Variants in LIMA1 observed in about 807,000 individuals in gnomAD.
The protein encoded by LIMA1 is LIM domain and actin-binding protein 1.
In LIMA1, 52 loss-of-function variants were observed where a neutral mutation model predicts 62.6. The observed-to-expected ratio is 0.83, with a 90% confidence interval of 0.67 to 1.05. LIMA1 has a LOEUF of 1.05. Ranked by LOEUF, LIMA1 falls within the 50% of genes least tolerant of loss-of-function variation. The pLI is 0.00. For missense variants in LIMA1, 780 were observed against 902.2 expected, an observed-to-expected ratio of 0.86 and a Z score of 1.74; for synonymous variants, 302 against 317.8, an observed-to-expected ratio of 0.95 and a Z score of 0.53.
chr12:50,278,366 G>C (rs1301154245), intron 1 of LIMA1, among the ~76,000 whole-genome samples: 2 of 152,182 alleles, frequency 1.3e-5, no homozygotes, highest in Admixed American at 6.5e-5. Flanking sequence ...AGCTTGCAGT[G>C]AGCAGAGATC....
chr12:50,243,199 A>C (rs886950766), intron 2 of LIMA1, among the ~76,000 whole-genome samples: 1 of 152,250 alleles, frequency 6.6e-6, no homozygotes, highest in African/African-American at 2.4e-5. Context: ...TCTTCTATAC[A>C]TATAAACACA....
Position 50,222,467 on chromosome 12 carries a change from G to C in LIMA1, c.184C>G (p.Gln62Glu). 1 of 1,613,984 alleles carries C rather than the reference G, an allele frequency of 6.2e-7. No individual in the cohort carries two copies. Among genetic ancestry groups the C allele is most frequent in the South Asian group, 1.1e-5 (1 of 91,074 alleles). The change falls in exon 4 of 11, where the codon CAG becomes GAG. Residue 62 changes from glutamine to glutamate, a missense_variant. Gln to Glu is a conservative substitution (Grantham distance 29). Coordinates refer to ENST00000341247, the MANE Select transcript of LIMA1 (RefSeq NM_016357.5). ...GTCAGGGTCCCCTTTCTAAAGTGCT[G>C]GGAGAGATTTTCGGTGTTCTAGAAG... ...KKRSNTENLS[Q>E]HFRKGTLTVL...
chr12:50,190,534 AT>A (rs11359577), intron 9 of LIMA1, among the ~76,000 whole-genome samples: 51,976 of 123,838 alleles, frequency 0.42, 12,277 homozygotes, highest in African/African-American at 0.71. Flanking sequence ...TGCCCGGCTA[AT>A]TTTTTTTTTT....
chr12:50,255,001 C>T (rs536638394), intron 1 of LIMA1, among the ~76,000 whole-genome samples: 3 of 150,518 alleles, frequency 2.0e-5, no homozygotes, highest in African/African-American at 7.3e-5. Context: ...CCAGCCTGGG[C>T]AACAGCACAA....
chr12:50,198,395 TA>T (rs1431523807), intron 7 of LIMA1, among the ~76,000 whole-genome samples: 1 of 151,850 alleles, frequency 6.6e-6, no homozygotes, highest in East Asian at 1.9e-4. Context: ...AAAATAAAGA[TA>T]AAAATAAATT....
intron 2 of LIMA1, chr12:50,234,078 G>C: frequency 2.2e-6 from 1 of 447,996 alleles, no homozygotes; most frequent in Non-Finnish European, 4.5e-6. Flanking sequence ...TTTATTACTT[G>C]GATTGGAAGA....
At chr12:50,224,896 A>ATTTT (rs773474227) in intron 3 of LIMA1, among the ~76,000 whole-genome samples, 7 of 104,840 alleles carry the variant, frequency 6.7e-5, no homozygotes, top group Admixed American at 9.8e-5. Flanking sequence ...CATGCCTGGC[A>ATTTT]TTTTTTTTTT....
At position 50,181,897 on chromosome 12, in the gene LIMA1, G is replaced by A. The variant is rs993555850; in HGVS notation, c.1274+7C>T. ...ATAGACAGATGGCTTGTTTTGGGCTGACTTACCTGAGTTTGTTGTTGCAAT... is the reference window on the plus strand; with the variant it reads ...ATAGACAGATGGCTTGTTTTGGGCTAACTTACCTGAGTTTGTTGTTGCAAT... On this transcript the variant is annotated splice_region_variant and intron_variant, in intron 10 of 10. Transcript: ENST00000341247. 3 of 1,613,966 alleles carry A rather than the reference G, an allele frequency of 1.9e-6. No homozygotes were observed. Among genetic ancestry groups the A allele is most frequent in the Admixed American group, 3.3e-5 (2 of 59,994 alleles).
intron 1 of LIMA1, among the ~76,000 whole-genome samples, chr12:50,260,607 T>A (rs1942053746): frequency 1.3e-5 from 2 of 152,316 alleles, no homozygotes; most frequent in Admixed American, 1.3e-4. Context: ...GGTATATGAA[T>A]TTTTGCTTCT....
chr12:50,270,072 T>C (rs1382564136), intron 1 of LIMA1, among the ~76,000 whole-genome samples: 2 of 145,804 alleles, frequency 1.4e-5, no homozygotes, highest in Non-Finnish European at 3.0e-5. Context: ...CCGTCTCTAC[T>C]AAAAATACAA....
chr12:50,190,346 A>G (rs895297126), intron 9 of LIMA1: 11 of 150,408 alleles, frequency 7.3e-5, no homozygotes, highest in African/African-American at 2.2e-4. Flanking sequence ...TACCCTTAGT[A>G]TAAGTGTTGC....
rs1329526737 is a variant in LIMA1, at chr12:50,176,062, C to T, written c.*1002G>A. The T allele has an allele frequency of 6.6e-6, 1 of 152,136 alleles. No homozygotes were observed. Among genetic ancestry groups the T allele is most frequent in the African/African-American group, 2.4e-5 (1 of 41,422 alleles). 9.4% of individuals were successfully genotyped at this position (152,136 alleles called of 1,614,324 possible). On this transcript the variant is annotated 3_prime_UTR_variant, in exon 11 of 11. Coordinates refer to ENST00000341247, the MANE Select transcript of LIMA1 (RefSeq NM_016357.5). Reference sequence around the variant, plus strand: ...AAGGCCTATAGTTGGTTTAATTTCACCCTGAGAATACTGTGATAAAAATCA... The same window carrying T: ...AAGGCCTATAGTTGGTTTAATTTCATCCTGAGAATACTGTGATAAAAATCA...
intron 4 of LIMA1, among the ~76,000 whole-genome samples, chr12:50,216,239 A>G (rs1288506797): frequency 2.0e-5 from 3 of 151,342 alleles, no homozygotes; most frequent in Non-Finnish European, 2.9e-5. Flanking sequence ...TTTCGAGAGA[A>G]GTTTTGCTCT....
At chr12:50,240,492 G>A (rs954757856) in intron 2 of LIMA1, among the ~76,000 whole-genome samples, 1 of 152,146 alleles carries the variant, frequency 6.6e-6, no homozygotes, top group African/African-American at 2.4e-5. Flanking sequence ...ATAAAGAAAA[G>A]TGAATAGATT....
chr12:50,237,618 C>T (rs570619298), intron 2 of LIMA1, among the ~76,000 whole-genome samples: 1 of 151,512 alleles, frequency 6.6e-6, no homozygotes, highest in East Asian at 1.9e-4. Context: ...GCCTGGGCAA[C>T]AGAGTGAGAC....
chr12:50,211,311 G>A (rs1217445770), intron 4 of LIMA1, among the ~76,000 whole-genome samples: 3 of 124,502 alleles, frequency 2.4e-5, no homozygotes, highest in African/African-American at 9.3e-5. Context: ...CAACAAGAGC[G>A]AAACTCCGCC....
At chr12:50,282,107 C>CT (rs59366464) in intron 1 of LIMA1, among the ~76,000 whole-genome samples, 7 of 151,982 alleles carry the variant, frequency 4.6e-5, no homozygotes, top group African/African-American at 1.5e-4. Flanking sequence ...TGAACACACA[C>CT]TTTTTTTTGC....
At chr12:50,250,655 T>C (rs763612797) in intron 1 of LIMA1, among the ~76,000 whole-genome samples, 1 of 150,864 alleles carries the variant, frequency 6.6e-6, no homozygotes, top group African/African-American at 2.4e-5. Context: ...CTACATGTAA[T>C]ATTTGTTCTT....
At chr12:50,210,849 C>T (rs1941243562) in intron 4 of LIMA1, among the ~76,000 whole-genome samples, 1 of 152,152 alleles carries the variant, frequency 6.6e-6, no homozygotes, top group Non-Finnish European at 1.5e-5. Context: ...ATGAACAAAG[C>T]CATTTGGTCT....
Sources: allele counts gnomAD v4.1 joint callset (sites outside exome capture counted in the v4.1 genomes callset), GRCh38; gene constraint gnomAD v4.1.1; transcripts MANE v1.5; gene names NCBI Gene and HGNC (gene_info 2026-07-23, HGNC 2026-07-21).